The following HYOU1 variants were observed in gnomAD, a reference collection of about 807,000 sequenced individuals.
The protein encoded by HYOU1 is hypoxia up-regulated 1.
HYOU1 carries 40 observed loss-of-function variants against 120.5 expected under a neutral mutation model. The observed-to-expected ratio is 0.33, with a 90% confidence interval of 0.26 to 0.43. The LOEUF (loss-of-function observed/expected upper bound fraction) is 0.43. Among genes scored for constraint, HYOU1 ranks in the 20% least tolerant of loss-of-function variants. The probability of loss-of-function intolerance (pLI) is 1.00; values close to 1 mark genes in which losing one functional copy is unlikely to be tolerated. For synonymous variants in HYOU1, 501 were observed against 479.4 expected (o/e 1.05, Z -0.59); for missense variants, 1,085 against 1,278.3 (o/e 0.85, Z 2.31).
Position 119,055,608 on chromosome 11 carries a change from CAGA to C in HYOU1, c.186-40_186-38del, listed in dbSNP as rs2133614646. The C allele has an allele frequency of 3.2e-6, 5 of 1,567,784 alleles. No homozygotes were observed. Among genetic ancestry groups the C allele is most frequent in the East Asian group, 2.2e-5 (1 of 44,662 alleles). The stretch of plus-strand genomic sequence containing the variant: ...AGATTTTGGGCCCAGGTGCCTGCAG[CAGA>C]AGGACTCAGAAGCCTCGACACTCAC... On this transcript the variant is annotated intron_variant, in intron 3 of 25. Transcript: ENST00000617285. The surrounding 1 kb of genome is among the most constrained non-coding windows in gnomAD (Gnocchi z 4.0).
chr11:119,056,666 G>T, intron 1 of HYOU1: 2 of 302,912 alleles, frequency 6.6e-6, no homozygotes, highest in Admixed American at 9.1e-5. Context: ...CTCCTCCTCG[G>T]CATCCCTGCG....
intron 7 of HYOU1, 75 bp downstream of exon 7, chr11:119,054,419 T>C (rs1944630900): frequency 1.2e-5 from 18 of 1,491,062 alleles, no homozygotes; most frequent in Non-Finnish European, 1.6e-5. Context: ...GCAAACCAGA[T>C]GCAAAAGGGA....
rs2133603582 is a variant in HYOU1 at position 119,054,239 on chromosome 11, G to A, written c.679-3C>T. ...CCCATGTCATAGAACATGATATTCT[G>A]TAGAGATATCAAGGCAACTGTCACA... On this transcript the variant is annotated splice_polypyrimidine_tract_variant and splice_region_variant and intron_variant, in intron 7 of 25. Transcript: ENST00000617285. The A allele has an allele frequency of 1.2e-6, 2 of 1,601,442 alleles. No homozygotes were observed. Among genetic ancestry groups the A allele is most frequent in the African/African-American group, 1.3e-5 (1 of 74,832 alleles).
rs1040001244 is a variant in HYOU1, at chr11:119,044,488, A to G, written c.*1105T>C. 12 of 152,630 alleles carry G rather than the reference A, an allele frequency of 7.9e-5. No individual in the cohort carries two copies. Among genetic ancestry groups the G allele is most frequent in the African/African-American group, 2.4e-4 (10 of 41,406 alleles). The allele number at this position is 152,630 out of a possible 1,614,324, so 9.5% of individuals were successfully genotyped here. A position where few individuals can be genotyped will look rare whatever the true frequency, so the allele number is the denominator to read the frequency against. On this transcript the variant is annotated 3_prime_UTR_variant, in exon 26 of 26. Coordinates refer to ENST00000617285, the MANE Select transcript of HYOU1 (RefSeq NM_006389.5). ...ACTGGAGGACGGGCTCCCTAGGCGT[A>G]GGTATGGTGGGTCGGGGGCCCCCAA...
chr11:119,055,729 T>TAACACGGGGGCCACCCTC lies in HYOU1; in HGVS notation c.185+3_185+20dup, dbSNP rs1944717198. On this transcript the variant is annotated intron_variant, in intron 3 of 25. Transcript: ENST00000617285. The surrounding 1 kb of genome is among the most constrained non-coding windows in gnomAD (Gnocchi z 4.0). ...CCCAGACTCCCTCGTTCCCCACCCT[T>TAACACGGGGGCCACCCTC]AACACGGGGGCCACCCTCACTTATT... The TAACACGGGGGCCACCCTC allele has an allele frequency of 6.2e-7, 1 of 1,606,142 alleles. No homozygotes were observed. Among genetic ancestry groups the TAACACGGGGGCCACCCTC allele is most frequent in the Non-Finnish European group, 8.5e-7 (1 of 1,172,832 alleles).
At chr11:119,049,945 CTA>C in intron 14 of HYOU1, 108 bp from the exon 15 acceptor site, 1 of 984,872 alleles carries the variant, frequency 1.0e-6, no homozygotes, top group Non-Finnish European at 1.6e-6. Context: ...CGTCACAGGC[CTA>C]GTCTCTCACC....
intron 22 of HYOU1, chr11:119,047,079 GGA>G (rs1944126517): frequency 5.9e-6 from 2 of 336,738 alleles, no homozygotes; most frequent in East Asian, 1.1e-4. Context: ...TTTTTGAGAC[GGA>G]GTCTCGCTCT....
At chr11:119,047,219 C>G in intron 22 of HYOU1, 1 of 192,652 alleles carries the variant, frequency 5.2e-6, no homozygotes, top group Admixed American at 5.4e-5. Context: ...CAGCTAATTT[C>G]TGTATATTTA....
rs537804772 is a variant in HYOU1 at position 119,044,708 on chromosome 11, C to T, written c.*885G>A. On this transcript the variant is annotated 3_prime_UTR_variant, in exon 26 of 26. Coordinates refer to ENST00000617285, the MANE Select transcript of HYOU1 (RefSeq NM_006389.5). ...GGGGTCAGGGGGTGAGGGAAAGGCT[C>T]TGTCTGGGAGGAGCAGAACAGCAGA... 4.0e-4 allele frequency: 70 copies of T among 176,384 alleles called. No homozygotes were observed. The highest frequency in any genetic ancestry group is 1.6e-3 in the African/African-American group (67 of 42,636). The allele number at this position is 176,384 out of a possible 1,614,324, so 10.9% of individuals were successfully genotyped here.
In HYOU1 at chr11:119,052,465, C is replaced by CCAGCT; in HGVS notation, c.988-41_988-37dup. 6.2e-7 allele frequency: 1 copy of CCAGCT among 1,613,788 alleles called. No homozygotes were observed. The highest frequency in any genetic ancestry group is 8.5e-7 in the Non-Finnish European group (1 of 1,179,942). ...ATGGGGACTGTCAGGGGGTTCTTGC[C>CCAGCT]CAGCTCCCGCTCTCTTGGTGAGTAG... On this transcript the variant is annotated intron_variant, in intron 9 of 25. Transcript: ENST00000617285. This position sits in a 1 kb window ranked among gnomAD's most constrained non-coding sequence, Gnocchi z 5.0.
At position 119,048,161 on chromosome 11, in the gene HYOU1, CTCAAGCCCCAGCTCTTCTCT is replaced by C. The variant is rs1944196653; in HGVS notation, c.2376+67_2377-82del. ...TCAGCCCCATGTCCTTCTTTATGGG[CTCAAGCCCCAGCTCTTCTCT>C]CTCTCTGACCCTGGGAGAGGAAGGA... On this transcript the variant is annotated intron_variant, in intron 20 of 25. Transcript: ENST00000617285. The surrounding 1 kb of genome is among the most constrained non-coding windows in gnomAD (Gnocchi z 4.7). 11 of 1,610,388 alleles carry C rather than the reference CTCAAGCCCCAGCTCTTCTCT, an allele frequency of 6.8e-6. No homozygotes were observed. Among genetic ancestry groups the C allele is most frequent in the Non-Finnish European group, 9.3e-6 (11 of 1,178,928 alleles).
chr11:119,052,043 CCT>C lies in HYOU1; in HGVS notation c.1205+45_1205+46del. On this transcript the variant is annotated intron_variant, in intron 11 of 25. Coordinates refer to ENST00000617285, the MANE Select transcript of HYOU1 (RefSeq NM_006389.5). The surrounding 1 kb of genome is among the most constrained non-coding windows in gnomAD (Gnocchi z 5.0). The stretch of plus-strand genomic sequence containing the variant: ...GCCCTCCAGCTGCTCAGCCCAAAGC[CCT>C]GCCCCAGGCAGAACTCAGCCAAGCG... 6.2e-7 allele frequency: 1 copy of C among 1,613,958 alleles called. No individual in the cohort carries two copies. Among genetic ancestry groups the C allele is most frequent in the South Asian group, 1.1e-5 (1 of 91,070 alleles).
At chr11:119,053,959 T>G in intron 8 of HYOU1, 162 bp downstream of exon 8, 1 of 566,754 alleles carries the variant, frequency 1.8e-6, no homozygotes, top group Non-Finnish European at 3.1e-6. Context: ...GAGCCTCAGC[T>G]TCCCCTTACT....
intron 7 of HYOU1, 94 bp downstream of exon 7, chr11:119,054,400 C>T: frequency 7.2e-7 from 1 of 1,386,372 alleles, no homozygotes; most frequent in Non-Finnish European, 1.0e-6. Context: ...CAAGGGTCAG[C>T]CCAGCCATGC....
rs1944504944 is a variant in HYOU1, at chr11:119,052,545, C to T, written c.987+92G>A. ...AGGATGGTAGCGGGAGGAGCATGGGCCATGCCAGGCACGAGCAGCCCAGTT... is the reference window on the plus strand; with the variant it reads ...AGGATGGTAGCGGGAGGAGCATGGGTCATGCCAGGCACGAGCAGCCCAGTT... On this transcript the variant is annotated intron_variant, in intron 9 of 25. Transcript: ENST00000617285. The surrounding 1 kb of genome is among the most constrained non-coding windows in gnomAD (Gnocchi z 5.0). The T allele has an allele frequency of 6.4e-7, 1 of 1,572,438 alleles. No individual in the cohort carries two copies. The highest frequency in any genetic ancestry group is 1.7e-5 in the Admixed American group (1 of 57,986).
Position 119,051,948 on chromosome 11 carries a change from C to T in HYOU1, c.1209G>A (p.Glu403=). The change falls in exon 12 of 26, where the codon GAG becomes GAA. Residue 403 remains glutamate, a synonymous_variant. Coordinates refer to ENST00000617285, the MANE Select transcript of HYOU1 (RefSeq NM_006389.5). The surrounding 1 kb of genome is among the most constrained non-coding windows in gnomAD (Gnocchi z 4.2). ...CTGCATTGATGTTCTTCCCCAGCTCCTCCCTGGGAAAGCCCCAAGCCTCAG... is the reference window on the plus strand; with the variant it reads ...CTGCATTGATGTTCTTCCCCAGCTCTTCCCTGGGAAAGCCCCAAGCCTCAG... ...QEVLLKAVGK[E]ELGKNINADE... 1 of 1,614,154 alleles carries T rather than the reference C, an allele frequency of 6.2e-7. No homozygotes were observed. The highest frequency in any genetic ancestry group is 1.1e-5 in the South Asian group (1 of 91,092).
chr11:119,051,418 C>T lies in HYOU1; in HGVS notation c.1526+20G>A, dbSNP rs1256596079. The T allele has an allele frequency of 6.2e-7, 1 of 1,613,038 alleles. No individual in the cohort carries two copies. Among genetic ancestry groups the T allele is most frequent in the Non-Finnish European group, 8.5e-7 (1 of 1,179,292 alleles). On this transcript the variant is annotated intron_variant, in intron 13 of 25. Coordinates refer to ENST00000617285, the MANE Select transcript of HYOU1 (RefSeq NM_006389.5). This position sits in a 1 kb window ranked among gnomAD's most constrained non-coding sequence, Gnocchi z 4.2. ...GCCTCCCCCTCCCTGGAGCTCCCAT[C>T]CTACACCCCTGCCCCTCACCGAAGA... is the stretch of plus-strand genomic sequence containing the variant.
intron 23 of HYOU1, 21 bp from the exon 24 acceptor site, chr11:119,046,488 A>G: frequency 6.2e-7 from 1 of 1,614,148 alleles, no homozygotes; most frequent in Non-Finnish European, 8.5e-7. Flanking sequence ...ACCAGGGGTA[A>G]GACATAGCCT....
chr11:119,055,018 G>C lies in HYOU1; in HGVS notation c.462C>G (p.Leu154=), dbSNP rs2133609395. Residue 154 remains leucine (L), a synonymous_variant, in exon 6 of 26, where the codon CTC becomes CTG. Coordinates refer to ENST00000617285, the MANE Select transcript of HYOU1 (RefSeq NM_006389.5). This position sits in a 1 kb window ranked among gnomAD's most constrained non-coding sequence, Gnocchi z 4.0. The part of the protein sequence containing the change: ...FSPEEVLGMV[L]NYSRSLAEDF... ...CTTCAGCTAGAGAACGAGAATAATT[G>C]AGAACCATGCCCAACACTTCCTCAG... 3 of 1,614,012 alleles carry C rather than the reference G, an allele frequency of 1.9e-6. No individual in the cohort carries two copies. Among genetic ancestry groups the C allele is most frequent in the African/African-American group, 1.3e-5 (1 of 74,938 alleles).
Sources: allele counts gnomAD v4.1 joint callset, GRCh38; gene constraint gnomAD v4.1.1; non-coding constraint Gnocchi (gnomAD v3.1); transcripts MANE v1.5; gene names NCBI Gene and HGNC (gene_info 2026-07-23, HGNC 2026-07-21).